The following CNTN5 variants were observed in gnomAD, a reference collection of about 807,000 sequenced individuals.
CNTN5 encodes the protein contactin 5.
CNTN5 carries 77 observed loss-of-function variants against 129.1 expected under a neutral mutation model. The ratio of observed to expected loss-of-function variants is 0.60; its 90% confidence interval spans 0.50 to 0.72. CNTN5 has a LOEUF of 0.72. Among genes scored for constraint, CNTN5 ranks in the 30% least tolerant of loss-of-function variants. The pLI, the probability that CNTN5 is intolerant of heterozygous loss-of-function variation, is 0.00. For synonymous variants in CNTN5, 509 were observed against 465.6 expected, an observed-to-expected ratio of 1.09 and a Z score of -1.20; for missense variants, 1,478 against 1,328.8, an observed-to-expected ratio of 1.11 and a Z score of -1.75.
chr11:100,275,288 T>C (rs1950484867), intron 18 of CNTN5, among the ~76,000 whole-genome samples: 1 of 152,240 alleles, frequency 6.6e-6, no homozygotes, highest in Non-Finnish European at 1.5e-5. Context: ...CATGCTTTCA[T>C]TGTGTACAGG....
intron 17 of CNTN5, among the ~76,000 whole-genome samples, chr11:100,256,676 C>T (rs1555051192): frequency 6.6e-6 from 1 of 152,002 alleles, no homozygotes; most frequent in Non-Finnish European, 1.5e-5. Flanking sequence ...TGGGGCATTG[C>T]CTCACCCAGG....
chr11:100,274,013 C>T (rs1950456450), intron 18 of CNTN5, among the ~76,000 whole-genome samples: 1 of 152,140 alleles, frequency 6.6e-6, no homozygotes, highest in Admixed American at 6.5e-5. Context: ...GGTACTGGTA[C>T]TAAAACAGAC....
chr11:99,139,101 A>AT (rs1859383949), intron 1 of CNTN5, among the ~76,000 whole-genome samples: 1 of 128,960 alleles, frequency 7.8e-6, no homozygotes, highest in African/African-American at 2.9e-5. Flanking sequence ...CCCCCTCCCC[A>AT]CCCCCCCCCC....
chr11:99,169,226 A>G (rs1055452184), intron 1 of CNTN5, among the ~76,000 whole-genome samples: 6 of 152,178 alleles, frequency 3.9e-5, no homozygotes, highest in African/African-American at 1.4e-4. Context: ...ATGACTTAAT[A>G]GTTATGGCAG....
chr11:99,335,798 G>A (rs781020209), intron 2 of CNTN5, among the ~76,000 whole-genome samples: 6 of 152,056 alleles, frequency 3.9e-5, no homozygotes, highest in Non-Finnish European at 7.4e-5. Context: ...ACAAGCCTCC[G>A]TGGTGCTAGA....
chr11:99,356,600 T>G (rs1305405794), intron 2 of CNTN5, among the ~76,000 whole-genome samples: 1 of 152,200 alleles, frequency 6.6e-6, no homozygotes, highest in Non-Finnish European at 1.5e-5. Flanking sequence ...CTGGAAGAAG[T>G]CTGTCCATTA....
chr11:99,618,539 A>T (rs1469531853), intron 3 of CNTN5, among the ~76,000 whole-genome samples: 2 of 152,206 alleles, frequency 1.3e-5, no homozygotes, highest in Non-Finnish European at 2.9e-5. Flanking sequence ...GGAAATTGGT[A>T]TCCTAAGAAT....
At chr11:99,859,175 T>C (rs1262894991) in intron 6 of CNTN5, among the ~76,000 whole-genome samples, 1 of 152,222 alleles carries the variant, frequency 6.6e-6, no homozygotes, top group Non-Finnish European at 1.5e-5. Flanking sequence ...TGAACCATCC[T>C]GAGATTATGC....
chr11:100,286,648 G>C (rs1175415937), intron 18 of CNTN5, among the ~76,000 whole-genome samples: 3 of 148,068 alleles, frequency 2.0e-5, no homozygotes, highest in African/African-American at 7.7e-5. Context: ...AAACCACAAA[G>C]ATGGGGAAAA....
intron 3 of CNTN5, among the ~76,000 whole-genome samples, chr11:99,575,276 G>A (rs571688074): frequency 6.6e-6 from 1 of 152,224 alleles, no homozygotes; most frequent in African/African-American, 2.4e-5. Context: ...AAAGTTAAGA[G>A]AAGTGAAAAA....
intron 1 of CNTN5, among the ~76,000 whole-genome samples, chr11:99,301,129 A>G (rs1300183084): frequency 6.6e-6 from 1 of 151,832 alleles, no homozygotes; most frequent in African/African-American, 2.4e-5. Flanking sequence ...GTAAAATATT[A>G]AAAGAGAAAC....
At chr11:99,758,722 A>T (rs546581821) in intron 3 of CNTN5, among the ~76,000 whole-genome samples, 1 of 152,164 alleles carries the variant, frequency 6.6e-6, no homozygotes, top group East Asian at 1.9e-4. Flanking sequence ...TAGAAAGTAT[A>T]TTGGGGAAAG....
At chr11:99,272,934 C>G (rs1474610812) in intron 1 of CNTN5, among the ~76,000 whole-genome samples, 5 of 151,826 alleles carry the variant, frequency 3.3e-5, no homozygotes, top group Admixed American at 6.6e-5. Flanking sequence ...ATTTTGTATT[C>G]AAATCGAATT....
intron 3 of CNTN5, among the ~76,000 whole-genome samples, chr11:99,632,612 A>T (rs1178031412): frequency 6.6e-6 from 1 of 152,164 alleles, no homozygotes; most frequent in Non-Finnish European, 1.5e-5. Flanking sequence ...TTTCAACTTC[A>T]CAAAATTGAA....
chr11:99,421,143 T>C (rs1379180201), intron 2 of CNTN5, among the ~76,000 whole-genome samples: 1 of 151,798 alleles, frequency 6.6e-6, no homozygotes, highest in African/African-American at 2.4e-5. Flanking sequence ...GAGGTTTTTT[T>C]TTTTTTTCCG....
At chr11:99,566,029 G>C (rs1443445697) in intron 3 of CNTN5, among the ~76,000 whole-genome samples, 1 of 152,176 alleles carries the variant, frequency 6.6e-6, no homozygotes, top group Non-Finnish European at 1.5e-5. Context: ...TTGCTAGCAT[G>C]CTGAAAGAGT....
chr11:99,130,454 G>T (rs1858875431), intron 1 of CNTN5, among the ~76,000 whole-genome samples: 1 of 152,134 alleles, frequency 6.6e-6, no homozygotes, highest in South Asian at 2.1e-4. Flanking sequence ...GGAGCACTCA[G>T]ATTCATAAAA....
chr11:100,301,740 C>T (rs1329602350), intron 20 of CNTN5, among the ~76,000 whole-genome samples: 1 of 151,626 alleles, frequency 6.6e-6, no homozygotes, highest in East Asian at 1.9e-4. Context: ...ATCACACTAA[C>T]TAGACCATCT....
intron 13 of CNTN5, among the ~76,000 whole-genome samples, chr11:100,146,226 T>A (rs1056823435): frequency 6.6e-6 from 1 of 152,168 alleles, no homozygotes; most frequent in Non-Finnish European, 1.5e-5. Flanking sequence ...ATTTTTCTCA[T>A]CTAAATAGTG....
Sources: allele counts gnomAD v4.1 joint callset (sites outside exome capture counted in the v4.1 genomes callset), GRCh38; gene constraint gnomAD v4.1.1; transcripts MANE v1.5; gene names NCBI Gene and HGNC (gene_info 2026-07-23, HGNC 2026-07-21).